Variants in MAP2K5 observed in about 807,000 individuals in gnomAD.
The protein encoded by MAP2K5 is dual specificity mitogen-activated protein kinase kinase 5.
Under a neutral mutation model 83.1 loss-of-function variants are expected in MAP2K5, and 49 were observed. The observed-to-expected ratio is 0.59, with a 90% CI of 0.47 to 0.75. The LOEUF is 0.75. MAP2K5 is among the 30% of genes least tolerant of loss of function. The probability of loss-of-function intolerance (pLI) is 0.00; values close to 1 mark genes in which losing one functional copy is unlikely to be tolerated. For synonymous variants in MAP2K5, 202 were observed against 191.8 expected (o/e 1.05, Z -0.44); for missense variants, 457 against 557.5 (o/e 0.82, Z 1.82).
chr15:67,804,449 C>T (rs1323066963), intron 21 of MAP2K5, among the ~76,000 whole-genome samples: 1 of 152,226 alleles, frequency 6.6e-6, no homozygotes, highest in African/African-American at 2.4e-5. Context: ...GGTCACCTCC[C>T]AGCTGAGGAG....
chr15:67,619,639 A>G (rs924146368), intron 8 of MAP2K5, among the ~76,000 whole-genome samples: 1 of 152,218 alleles, frequency 6.6e-6, no homozygotes, highest in Non-Finnish European at 1.5e-5. Context: ...AGAGTCTACA[A>G]TATAGTTAAA....
chr15:67,595,807 G>T (rs2085512158), intron 7 of MAP2K5, among the ~76,000 whole-genome samples: 1 of 152,020 alleles, frequency 6.6e-6, no homozygotes. Flanking sequence ...GTGTTTTCTG[G>T]ATTTGTTTTT....
intron 4 of MAP2K5, among the ~76,000 whole-genome samples, chr15:67,584,672 C>CTTTTTTT (rs36111747): frequency 5.7e-5 from 6 of 106,104 alleles, no homozygotes; most frequent in African/African-American, 8.0e-5. Flanking sequence ...ATATCTTCTC[C>CTTTTTTT]TTTTTTTTTT....
intron 21 of MAP2K5, among the ~76,000 whole-genome samples, chr15:67,799,727 C>T (rs757867914): frequency 2.0e-5 from 3 of 152,210 alleles, no homozygotes; most frequent in Non-Finnish European, 4.4e-5. Context: ...GCCCAGTGGG[C>T]CCACCCACCC....
chr15:67,663,240 C>G (rs1224521174), intron 12 of MAP2K5, among the ~76,000 whole-genome samples: 1 of 152,128 alleles, frequency 6.6e-6, no homozygotes, highest in Non-Finnish European at 1.5e-5. Flanking sequence ...CTCAACAGCC[C>G]TTATTCAAAT....
intron 11 of MAP2K5, among the ~76,000 whole-genome samples, chr15:67,649,476 G>C (rs1189781778): frequency 6.6e-6 from 1 of 151,940 alleles, no homozygotes; most frequent in East Asian, 1.9e-4. Flanking sequence ...TTATATTTAA[G>C]CCTTTGATTT....
chr15:67,547,495 G>A (rs1425628826), intron 1 of MAP2K5, among the ~76,000 whole-genome samples: 4 of 118,026 alleles, frequency 3.4e-5, no homozygotes, highest in Non-Finnish European at 5.1e-5. Flanking sequence ...TCGCTTTGTT[G>A]CCCAGGCTGG....
At chr15:67,674,332 A>G (rs1002613182) in intron 13 of MAP2K5, among the ~76,000 whole-genome samples, 2 of 152,200 alleles carry the variant, frequency 1.3e-5, no homozygotes, top group Non-Finnish European at 2.9e-5. Context: ...TATGTTATAC[A>G]AGTGCTAGTG....
At chr15:67,759,560 A>AT (rs897555462) in intron 19 of MAP2K5, among the ~76,000 whole-genome samples, 2 of 1,996 alleles carry the variant, frequency 1.0e-3, no homozygotes, top group African/African-American at 1.7e-3. Context: ...ACTGTGTCTC[A>AT]AAAAAAAAAA....
At position 67,652,481 on chromosome 15, in the gene MAP2K5, AC is replaced by A. The variant is rs929346896; in HGVS notation, c.736+6013del. Among the ~76,000 whole-genome samples the A allele has an allele frequency of 1.3e-5, 2 of 152,158 alleles. No individual in the cohort carries two copies. The highest frequency in any genetic ancestry group is 2.9e-5 in the Non-Finnish European group (2 of 68,016). On this transcript the variant is annotated intron_variant, in intron 11 of 21. Transcript: ENST00000178640. This position sits in a 1 kb window ranked among gnomAD's most constrained non-coding sequence, Gnocchi z 4.2. Reference sequence around the variant, plus strand: ...GGAGGGAGGTCCCAGACACTTTTTAACAACCAAATCTTGCAGGAACTTAGAG... The same window carrying A: ...GGAGGGAGGTCCCAGACACTTTTTAAAACCAAATCTTGCAGGAACTTAGAG...
At position 67,587,972 on chromosome 15, in the gene MAP2K5, C is replaced by T. The variant is rs2085321826; in HGVS notation, c.431+1059C>T. The T allele has an allele frequency of 6.9e-6, 2 of 289,196 alleles. No homozygotes were observed. The highest frequency in any genetic ancestry group is 4.5e-5 in the African/African-American group (2 of 43,982). The allele number at this position is 289,196 out of a possible 1,614,324, so 17.9% of individuals were successfully genotyped here. A position where few individuals can be genotyped will look rare whatever the true frequency, so the allele number is the denominator to read the frequency against. On this transcript the variant is annotated intron_variant, in intron 6 of 21. Coordinates refer to ENST00000178640, the MANE Select transcript of MAP2K5 (RefSeq NM_145160.3). The surrounding 1 kb of genome is among the most constrained non-coding windows in gnomAD (Gnocchi z 4.8). ...GCTCTCCAGATCACTGCCACAGCCT[C>T]CTGAGAGTCTACTCCCTCCGTTCTT...
At chr15:67,710,497 GTTTTTTTTTTTT>G (rs10609519) in intron 16 of MAP2K5, among the ~76,000 whole-genome samples, 2 of 81,012 alleles carry the variant, frequency 2.5e-5, no homozygotes, top group Non-Finnish European at 4.7e-5. Flanking sequence ...ATCTTCTGAA[GTTTTTTTTTTTT>G]TTTTTTTTTT....
chr15:67,565,660 G>T lies in MAP2K5; in HGVS notation c.252+2310G>T, dbSNP rs1374279981. ...GTGTTTAATTATTTTTGTGTTGTAG[G>T]AAAATATGATTACATAATCTTACAT... is the stretch of plus-strand genomic sequence containing the variant. On this transcript the variant is annotated intron_variant, in intron 3 of 21. Transcript: ENST00000178640. This position sits in a 1 kb window ranked among gnomAD's most constrained non-coding sequence, Gnocchi z 4.1. 2.0e-5 allele frequency among the ~76,000 whole-genome samples: 3 copies of T among 152,158 alleles called. No individual in the cohort carries two copies. Among genetic ancestry groups the T allele is most frequent in the African/African-American group, 7.2e-5 (3 of 41,432 alleles).
intron 7 of MAP2K5, among the ~76,000 whole-genome samples, chr15:67,600,037 G>T (rs1161851073): frequency 6.6e-6 from 1 of 152,170 alleles, no homozygotes; most frequent in African/African-American, 2.4e-5. Context: ...AAAATTACAT[G>T]CCTATGTATT....
chr15:67,720,307 C>T lies in MAP2K5; in HGVS notation c.1045-7609C>T, dbSNP rs2088928364. Among the ~76,000 whole-genome samples, 1 of 148,694 alleles carries T rather than the reference C, an allele frequency of 6.7e-6. No homozygotes were observed. Among genetic ancestry groups the T allele is most frequent in the South Asian group, 2.1e-4 (1 of 4,814 alleles). On this transcript the variant is annotated intron_variant, in intron 16 of 21. Transcript: ENST00000178640. This position sits in a 1 kb window ranked among gnomAD's most constrained non-coding sequence, Gnocchi z 5.7. ...ATACATAAGTATACACATACATACA[C>T]ACACATATGCTTATACATACATAAG...
chr15:67,578,443 C>T lies in MAP2K5; in HGVS notation c.253-2311C>T, dbSNP rs541221245. On this transcript the variant is annotated intron_variant, in intron 3 of 21. Coordinates refer to ENST00000178640, the MANE Select transcript of MAP2K5 (RefSeq NM_145160.3). ...TGATTACCTCCCTTTACAGCATGTC[C>T]TTGATGGTGAATTACTTTGCTATGT... 2.6e-5 allele frequency among the ~76,000 whole-genome samples: 4 copies of T among 152,262 alleles called. No homozygotes were observed. The South Asian group carries it at 8.3e-4, about 32-fold the overall frequency.
At chr15:67,666,608 A>G (rs938299652) in intron 13 of MAP2K5, among the ~76,000 whole-genome samples, 15 of 152,208 alleles carry the variant, frequency 9.9e-5, no homozygotes, top group African/African-American at 3.6e-4. Flanking sequence ...GGGCTAAGAA[A>G]GGGCTTTTTC....
At chr15:67,772,616 A>G in intron 20 of MAP2K5, 91 bp from the exon 21 acceptor site, 1 of 749,278 alleles carries the variant, frequency 1.3e-6, no homozygotes, top group South Asian at 2.4e-5. Flanking sequence ...AAAACATTCA[A>G]ATTCCAGTAC....
In MAP2K5 at chr15:67,703,408, G is replaced by A; in HGVS notation, c.1044G>A (p.Glu348=). The A allele has an allele frequency of 6.2e-7, 1 of 1,612,158 alleles. No individual in the cohort carries two copies. The highest frequency in any genetic ancestry group is 8.5e-7 in the Non-Finnish European group (1 of 1,178,484). Residue 348 remains glutamate (E), a splice_region_variant and synonymous_variant, in exon 16 of 22, where the codon GAG becomes GAA. Coordinates refer to ENST00000178640, the MANE Select transcript of MAP2K5 (RefSeq NM_145160.3). ...GGAGCTTAGGAATCTCTTTTATGGA[G>A]GTACGTTGTTTGCACATAGACGCTT... ...DVWSLGISFM[E]LALGRFPYPQ...
Sources: gnomAD v4.1 joint callset for allele counts (sites outside exome capture counted in the v4.1 genomes callset) on GRCh38, gnomAD v4.1.1 for gene constraint, Gnocchi (gnomAD v3.1) non-coding constraint, MANE v1.5 for transcripts, NCBI Gene and HGNC (gene_info 2026-07-23, HGNC 2026-07-21) for gene names.